Variants in MAGI2 observed in about 807,000 individuals in gnomAD.
MAGI2 encodes the protein membrane-associated guanylate kinase, WW and PDZ domain-containing protein 2.
A neutral mutation model predicts 133.3 loss-of-function variants in MAGI2; 35 were observed. The ratio of observed to expected loss-of-function variants is 0.26; its 90% CI spans 0.20 to 0.35. MAGI2 has a LOEUF of 0.35. Among genes scored for constraint, MAGI2 ranks in the 10% least tolerant of loss-of-function variants. The pLI is 1.00. For synonymous variants in MAGI2, 729 were observed against 710.6 expected (o/e 1.03, Z -0.41); for missense variants, 1,636 against 1,863.4 (o/e 0.88, Z 2.25).
At chr7:78,755,425 T>G (rs1823852239) in intron 2 of MAGI2, among the ~76,000 whole-genome samples, 1 of 152,344 alleles carries the variant, frequency 6.6e-6, no homozygotes, top group African/African-American at 2.4e-5. Context: ...CTATGAAAAT[T>G]TTTTTGATTT....
intron 1 of MAGI2, among the ~76,000 whole-genome samples, chr7:79,143,260 A>G (rs1319990935): frequency 6.6e-6 from 1 of 152,158 alleles, no homozygotes; most frequent in African/African-American, 2.4e-5. Context: ...CAAACAGCAG[A>G]CGGATGTGGA....
chr7:79,241,834 G>A (rs1450761731), intron 1 of MAGI2, among the ~76,000 whole-genome samples: 1 of 152,130 alleles, frequency 6.6e-6, no homozygotes, highest in Non-Finnish European at 1.5e-5. Flanking sequence ...GTGACTGACT[G>A]ACTCCACCTG....
intron 9 of MAGI2, among the ~76,000 whole-genome samples, chr7:78,339,769 C>T (rs1181122347): frequency 6.6e-6 from 1 of 152,134 alleles, no homozygotes; most frequent in Non-Finnish European, 1.5e-5. Context: ...GTTGGACACC[C>T]TCTAACTCAC....
At chr7:78,626,073 T>C (rs962375410) in intron 3 of MAGI2, among the ~76,000 whole-genome samples, 6 of 152,180 alleles carry the variant, frequency 3.9e-5, no homozygotes, top group Non-Finnish European at 8.8e-5. Flanking sequence ...GCTTATTTGA[T>C]GATGTTTGGT....
chr7:79,201,350 T>C (rs1828600740), intron 1 of MAGI2, among the ~76,000 whole-genome samples: 2 of 152,024 alleles, frequency 1.3e-5, no homozygotes, highest in South Asian at 4.1e-4. Context: ...TTATGAGGGT[T>C]TTATGTGAAT....
chr7:78,243,263 A>ACT lies in MAGI2; in HGVS notation c.2047+12679_2047+12680insAG, dbSNP rs1563316280. Among the ~76,000 whole-genome samples the ACT allele has an allele frequency of 1.7e-3, 107 of 62,394 alleles. 1 individual carries two copies. Among genetic ancestry groups the ACT allele is most frequent in the African/African-American group, 3.9e-3 (98 of 25,204 alleles). The allele number at this position is 62,394 out of a possible 152,430, so 40.9% of individuals were successfully genotyped here. A position where few individuals can be genotyped will look rare whatever the true frequency, so the allele number is the denominator to read the frequency against. ...CACACACACACACACACACACACAC[A>ACT]CACACACTCTCTCTCTCTCTCTCTT... On this transcript the variant is annotated intron_variant, in intron 10 of 21. Coordinates refer to ENST00000354212, the MANE Select transcript of MAGI2 (RefSeq NM_012301.4).
intron 1 of MAGI2, among the ~76,000 whole-genome samples, chr7:79,398,389 G>T (rs1222023227): frequency 6.6e-6 from 1 of 152,198 alleles, no homozygotes; most frequent in Non-Finnish European, 1.5e-5. Context: ...TTTACTGGCT[G>T]AAAAGAAGGC....
At chr7:78,083,390 GAGAGAGAGAGA>G (rs1563098835) in intron 20 of MAGI2, among the ~76,000 whole-genome samples, 19 of 17,190 alleles carry the variant, frequency 1.1e-3, no homozygotes, top group Non-Finnish European at 1.8e-3. Context: ...GAGGGGGGGA[GAGAGAGAGAGA>G]GAGAGAGAGA....
At chr7:78,355,489 T>C (rs1347088984) in intron 7 of MAGI2, among the ~76,000 whole-genome samples, 1 of 152,208 alleles carries the variant, frequency 6.6e-6, no homozygotes, top group Admixed American at 6.5e-5. Flanking sequence ...ACCGAGCGAA[T>C]ACTATATGCT....
intron 2 of MAGI2, among the ~76,000 whole-genome samples, chr7:78,969,386 C>T (rs573722566): frequency 6.6e-6 from 1 of 152,174 alleles, no homozygotes; most frequent in Admixed American, 6.5e-5. Flanking sequence ...CATGAGGAAG[C>T]TTTGTCTCTC....
At chr7:79,141,019 T>C (rs1289490657) in intron 1 of MAGI2, among the ~76,000 whole-genome samples, 4 of 152,206 alleles carry the variant, frequency 2.6e-5, no homozygotes, top group Non-Finnish European at 5.9e-5. Context: ...TTTGTATAAA[T>C]GAATTGTCAA....
intron 2 of MAGI2, chr7:78,904,225 G>A (rs192345305): frequency 2.0e-5 from 3 of 152,148 alleles, no homozygotes; most frequent in African/African-American, 4.8e-5. Context: ...GCTAGAAGAC[G>A]TGTATGAAAT....
intron 20 of MAGI2, among the ~76,000 whole-genome samples, chr7:78,080,662 C>T (rs1446252329): frequency 6.6e-6 from 1 of 152,202 alleles, no homozygotes; most frequent in Non-Finnish European, 1.5e-5. Flanking sequence ...TTCAGACTCA[C>T]ACGTCCAGCT....
chr7:78,025,214 G>A (rs1290796538), intron 21 of MAGI2, among the ~76,000 whole-genome samples: 1 of 152,128 alleles, frequency 6.6e-6, no homozygotes, highest in African/African-American at 2.4e-5. Flanking sequence ...CTCTGCTGGA[G>A]GAAGGCTTCC....
chr7:78,389,942 G>A (rs1472700922), intron 6 of MAGI2, among the ~76,000 whole-genome samples: 1 of 152,174 alleles, frequency 6.6e-6, no homozygotes, highest in African/African-American at 2.4e-5. Flanking sequence ...ATTCCCTCAT[G>A]TGGACACTGT....
intron 9 of MAGI2, among the ~76,000 whole-genome samples, chr7:78,319,250 CA>C (rs1422534015): frequency 6.6e-6 from 1 of 151,962 alleles, no homozygotes; most frequent in Non-Finnish European, 1.5e-5. Context: ...CACATAGGCT[CA>C]AAATAAAGGG....
intron 1 of MAGI2, among the ~76,000 whole-genome samples, chr7:79,448,081 A>G (rs1231690403): frequency 6.6e-6 from 1 of 151,952 alleles, no homozygotes; most frequent in African/African-American, 2.4e-5. Flanking sequence ...ATATTCAGCA[A>G]TTCTTTGGGA....
At chr7:79,354,614 C>G (rs1841898677) in intron 1 of MAGI2, among the ~76,000 whole-genome samples, 1 of 152,098 alleles carries the variant, frequency 6.6e-6, no homozygotes, top group Non-Finnish European at 1.5e-5. Context: ...AGTGTGAGTA[C>G]CTACCTCTGT....
chr7:79,176,254 T>A (rs566235417), intron 1 of MAGI2, among the ~76,000 whole-genome samples: 2 of 151,996 alleles, frequency 1.3e-5, no homozygotes, highest in Admixed American at 1.3e-4. Context: ...TTGCTTACAG[T>A]CAGTCCCCTT....
Sources: gnomAD v4.1 joint callset for allele counts (sites outside exome capture counted in the v4.1 genomes callset) on GRCh38, gnomAD v4.1.1 for gene constraint, MANE v1.5 for transcripts, NCBI Gene and HGNC (gene_info 2026-07-23, HGNC 2026-07-21) for gene names.